Variants in EPHA6 observed in about 807,000 individuals in gnomAD.
EPHA6 encodes ephrin type-A receptor 6.
EPHA6 carries 50 observed loss-of-function variants against 112.0 expected under a neutral mutation model. That is an observed-to-expected ratio of 0.45 (90% CI 0.36 to 0.56). The LOEUF is 0.56. Among genes scored for constraint, EPHA6 ranks in the 20% least tolerant of loss-of-function variants. The pLI, the probability that EPHA6 is intolerant of heterozygous loss-of-function variation, is 0.00. For missense variants in EPHA6, 1,280 were observed against 1,417.4 expected (o/e 0.90, Z 1.56); for synonymous variants, 529 against 490.7 (o/e 1.08, Z -1.03).
At position 97,759,845 on chromosome 3, in the gene EPHA6, C is replaced by G. The variant is rs2036115184; in HGVS notation, c.*11144C>G. 1 of 213,920 alleles carries G rather than the reference C, an allele frequency of 4.7e-6. No individual in the cohort carries two copies. The highest frequency in any genetic ancestry group is 9.4e-6 in the Non-Finnish European group (1 of 105,870). 13.3% of individuals were successfully genotyped at this position (213,920 alleles called of 1,614,324 possible). On this transcript the variant is annotated 3_prime_UTR_variant, in exon 18 of 18. Transcript: ENST00000389672. ...ATTTGATGAAATATTTTAAAGGCAT[C>G]TTTACTAAATATTTTTGAGACATCT...
intron 1 of EPHA6, among the ~76,000 whole-genome samples, chr3:96,822,299 A>G (rs1376191077): frequency 2.0e-5 from 3 of 151,904 alleles, no homozygotes; most frequent in Admixed American, 2.0e-4. Context: ...AAACTAATTC[A>G]TGTTGAAGAT....
At chr3:97,660,480 T>A (rs886408344) in intron 14 of EPHA6, among the ~76,000 whole-genome samples, 1 of 152,050 alleles carries the variant, frequency 6.6e-6, no homozygotes, top group African/African-American at 2.4e-5. Flanking sequence ...TGAATTTAGC[T>A]TGCCTGGAAC....
intron 5 of EPHA6, among the ~76,000 whole-genome samples, chr3:97,317,134 GA>G (rs371487009): frequency 2.6e-4 from 37 of 140,710 alleles, no homozygotes; most frequent in South Asian, 4.4e-4. Context: ...GATTGGAAGA[GA>G]AAAAAAAAAA....
intron 3 of EPHA6, among the ~76,000 whole-genome samples, chr3:97,208,762 A>G (rs1576684514): frequency 6.6e-6 from 1 of 151,212 alleles, no homozygotes; most frequent in East Asian, 1.9e-4. Context: ...AAAAAAAAAA[A>G]TGGAAGGCTA....
chr3:97,391,462 G>T (rs1369823924), intron 5 of EPHA6, among the ~76,000 whole-genome samples: 1 of 151,898 alleles, frequency 6.6e-6, no homozygotes, highest in Non-Finnish European at 1.5e-5. Flanking sequence ...ATAACTTTGG[G>T]TAAGTCTTTT....
In EPHA6 at chr3:96,841,499, G is replaced by T. The variant is rs146516209; in HGVS notation, c.386-25326G>T. Among the ~76,000 whole-genome samples, 774 of 152,142 alleles carry T rather than the reference G, an allele frequency of 5.1e-3. 8 individuals are homozygous for T. The highest frequency in any genetic ancestry group is 0.018 in the African/African-American group (733 of 41,508). On this transcript the variant is annotated intron_variant, in intron 1 of 17. Transcript: ENST00000389672. ...GTGGTTGGGAAAGGCCATGTGACTA[G>T]TTTGTCCAATGAATGTAGATCAGAA...
At chr3:97,533,363 G>A (rs2092717006) in intron 11 of EPHA6, among the ~76,000 whole-genome samples, 1 of 151,936 alleles carries the variant, frequency 6.6e-6, no homozygotes, top group African/African-American at 2.4e-5. Flanking sequence ...ATATTTGGAA[G>A]CAGGAAAGTA....
chr3:97,640,169 G>C (rs901506576), intron 14 of EPHA6, among the ~76,000 whole-genome samples: 2 of 152,120 alleles, frequency 1.3e-5, no homozygotes, highest in Non-Finnish European at 2.9e-5. Flanking sequence ...AGAGGCTGAA[G>C]AAGGCGTCAC....
intron 5 of EPHA6, among the ~76,000 whole-genome samples, chr3:97,302,991 T>C (rs2081157996): frequency 6.6e-6 from 1 of 151,872 alleles, no homozygotes; most frequent in Non-Finnish European, 1.5e-5. Context: ...TATAACTTAA[T>C]GTTGAGGTAA....
rs186041306 is a variant in EPHA6, at chr3:97,018,742, G to A, written c.1114+30749G>A. On this transcript the variant is annotated intron_variant, in intron 3 of 17. Transcript: ENST00000389672. ...GTTAGGCCTCCGGATAACCGCAAGC[G>A]AGCTTGACTAATGTCAGGCCCTCCA... Among the ~76,000 whole-genome samples, 664 of 152,284 alleles carry A rather than the reference G, an allele frequency of 4.4e-3. 8 individuals are homozygous for A. Among genetic ancestry groups the A allele is most frequent in the African/African-American group, 0.015 (611 of 41,566 alleles).
At chr3:96,867,692 A>G (rs529689652) in intron 2 of EPHA6, among the ~76,000 whole-genome samples, 2 of 151,916 alleles carry the variant, frequency 1.3e-5, no homozygotes, top group Non-Finnish European at 3.0e-5. Flanking sequence ...TTTCTTATTA[A>G]TCACATTCTT....
chr3:97,746,720 G>A (rs574172908), intron 16 of EPHA6, among the ~76,000 whole-genome samples: 1 of 151,902 alleles, frequency 6.6e-6, no homozygotes, highest in South Asian at 2.1e-4. Context: ...TTGCCTTTAA[G>A]ATCCATTTTC....
chr3:96,867,925 TTG>T (rs1427652326), intron 2 of EPHA6, among the ~76,000 whole-genome samples: 1 of 151,906 alleles, frequency 6.6e-6, no homozygotes, highest in African/African-American at 2.4e-5. Context: ...TTCTTTAAAT[TTG>T]TAAGTTTTAT....
chr3:97,042,751 G>A lies in EPHA6; in HGVS notation c.1114+54758G>A, dbSNP rs146544485. On this transcript the variant is annotated intron_variant, in intron 3 of 17. Transcript: ENST00000389672. ...TTTTGAATCTCTCACTAGGCTATGA[G>A]TAGAAGAGCATACACTTAGCTCCAT... Among the ~76,000 whole-genome samples the A allele has an allele frequency of 4.9e-3, 745 of 152,230 alleles. 8 individuals are homozygous for A. The highest frequency in any genetic ancestry group is 0.016 in the African/African-American group (683 of 41,538).
chr3:97,512,379 C>T (rs1356241405), intron 10 of EPHA6, among the ~76,000 whole-genome samples: 2 of 152,092 alleles, frequency 1.3e-5, no homozygotes, highest in East Asian at 3.8e-4. Context: ...TAAGGACTAG[C>T]ATAGTATCAT....
At chr3:97,007,630 T>G (rs1052207542) in intron 3 of EPHA6, among the ~76,000 whole-genome samples, 1 of 152,194 alleles carries the variant, frequency 6.6e-6, no homozygotes, top group African/African-American at 2.4e-5. Flanking sequence ...TATGTGTGAA[T>G]TTGATCCTGT....
chr3:97,445,512 T>C (rs2090310859), intron 6 of EPHA6, among the ~76,000 whole-genome samples: 1 of 152,188 alleles, frequency 6.6e-6, no homozygotes, highest in Non-Finnish European at 1.5e-5. Context: ...TAATACCTTG[T>C]ATGAAAACTT....
At chr3:97,473,724 C>T (rs1051973263) in intron 7 of EPHA6, among the ~76,000 whole-genome samples, 10 of 151,928 alleles carry the variant, frequency 6.6e-5, no homozygotes, top group African/African-American at 2.4e-4. Context: ...GAAAATATGA[C>T]ATTTTAGAGC....
intron 5 of EPHA6, among the ~76,000 whole-genome samples, chr3:97,264,980 G>T (rs1337254051): frequency 6.6e-6 from 1 of 152,204 alleles, no homozygotes; most frequent in Non-Finnish European, 1.5e-5. Flanking sequence ...CCCAACGAGC[G>T]TTCAGCTCTC....
Sources: gnomAD v4.1 joint callset for allele counts (sites outside exome capture counted in the v4.1 genomes callset) on GRCh38, gnomAD v4.1.1 for gene constraint, MANE v1.5 for transcripts, NCBI Gene and HGNC (gene_info 2026-07-23, HGNC 2026-07-21) for gene names.